Variants in PADI6 observed in about 807,000 individuals in gnomAD.
PADI6 encodes peptidyl arginine deiminase 6, also known as inactive protein-arginine deiminase type-6.
In PADI6, 66 loss-of-function variants were observed where a neutral mutation model predicts 78.2. That is an observed-to-expected ratio of 0.84 (90% CI 0.69 to 1.04). The LOEUF (loss-of-function observed/expected upper bound fraction) is 1.04, where lower values mean the gene tolerates loss of function less well. PADI6 is among the 50% of genes least tolerant of loss of function. The pLI, the probability that PADI6 is intolerant of heterozygous loss-of-function variation, is 0.00. For synonymous variants in PADI6, 397 were observed against 346.9 expected (o/e 1.14, Z -1.60); for missense variants, 854 against 866.1 (o/e 0.99, Z 0.18).
At chr1:17,380,047 G>A (rs1323295108) in intron 4 of PADI6, 60 bp downstream of exon 4, 2 of 1,540,482 alleles carry the variant, frequency 1.3e-6, no homozygotes, top group African/African-American at 1.4e-5. Context: ...CTGCCCACAG[G>A]CTCACTTGAT....
chr1:17,394,245 G>A (rs2075222844), intron 10 of PADI6, 55 bp from the exon 11 acceptor site: 1 of 1,595,888 alleles, frequency 6.3e-7, no homozygotes, highest in African/African-American at 1.3e-5. Context: ...GATAAGACTG[G>A]GGCCTAAAGC....
At position 17,388,544 on chromosome 1, in the gene PADI6, G is replaced by C; in HGVS notation, c.843G>C (p.Glu281Asp). The C allele has an allele frequency of 6.2e-7, 1 of 1,611,852 alleles. No homozygotes were observed. The highest frequency in any genetic ancestry group is 1.3e-5 in the African/African-American group (1 of 75,008). ...TCTCCTACTCTGTGTCCCTGGTGGA[G>C]GAGTCTCAAGACCCGGTATGTCCCC... is the stretch of plus-strand genomic sequence containing the variant. Reference protein sequence around the residue: ...GLISYSVSLVEESQDPSIPET... With the variant: ...GLISYSVSLVDESQDPSIPET... Residue 281 changes from glutamate to aspartate, a missense_variant, in exon 7 of 16, where the codon GAG (glutamate) becomes GAC (aspartate). By Grantham distance (45) the Glu-to-Asp change is conservative. Coordinates refer to ENST00000619609, the MANE Select transcript of PADI6 (RefSeq NM_207421.4).
chr1:17,398,847 G>C lies in PADI6; in HGVS notation c.1851G>C (p.Leu617=). The C allele has an allele frequency of 6.2e-7, 1 of 1,613,024 alleles. No homozygotes were observed. Among genetic ancestry groups the C allele is most frequent in the Non-Finnish European group, 8.5e-7 (1 of 1,179,538 alleles). The part of the protein sequence containing the change: ...RSFARPYFPD[L]LRMIVMGKNL... ...TTGCGAGGCCATACTTCCCTGACCT[G>C]GTGAGGGGCGACTGCGCATCCCTGG... is the stretch of plus-strand genomic sequence containing the variant. The change falls in exon 15 of 16, where the codon CTG becomes CTC. Residue 617 remains leucine (L), a splice_region_variant and synonymous_variant. Transcript: ENST00000619609.
At chr1:17,378,208 C>T (rs2075037337) in intron 3 of PADI6, among the ~76,000 whole-genome samples, 1 of 152,190 alleles carries the variant, frequency 6.6e-6, no homozygotes, top group East Asian at 1.9e-4. Flanking sequence ...TCCCATATCC[C>T]TCAGTGCTTA....
At chr1:17,382,127 C>T (rs2075078616) in intron 6 of PADI6, 35 bp downstream of exon 6, 3 of 1,608,182 alleles carry the variant, frequency 1.9e-6, no homozygotes, top group Non-Finnish European at 2.6e-6. Context: ...GCTTTGCCTG[C>T]TCTCGACGTG....
chr1:17,386,600 G>A lies in PADI6; in HGVS notation c.680-1781G>A, dbSNP rs563696686. Among the ~76,000 whole-genome samples, 23 of 152,308 alleles carry A rather than the reference G, an allele frequency of 1.5e-4. No individual in the cohort carries two copies. The South Asian group carries it at 4.4e-3, about 29-fold the overall frequency. On this transcript the variant is annotated intron_variant, in intron 6 of 15. Transcript: ENST00000619609. Reference sequence around the variant, plus strand: ...TCCTGGGGGAAGACTGCCTTGTCTGGTCTTGCCCCATGAGGCCTGGCTCAG... The same window carrying A: ...TCCTGGGGGAAGACTGCCTTGTCTGATCTTGCCCCATGAGGCCTGGCTCAG...
intron 3 of PADI6, among the ~76,000 whole-genome samples, chr1:17,377,955 C>T (rs1348594465): frequency 6.6e-6 from 1 of 152,054 alleles, no homozygotes; most frequent in African/African-American, 2.4e-5. Flanking sequence ...ACACGAGTAA[C>T]CCTGCACTGC....
intron 7 of PADI6, 43 bp downstream of exon 7, chr1:17,388,602 G>T: frequency 1.3e-6 from 2 of 1,536,248 alleles, no homozygotes; most frequent in East Asian, 2.3e-5. Flanking sequence ...AGGATGCTCC[G>T]GTGGGGGAAA....
intron 8 of PADI6, among the ~76,000 whole-genome samples, chr1:17,390,795 G>GTCTT (rs1405853149): frequency 1.3e-5 from 2 of 152,184 alleles, no homozygotes; most frequent in African/African-American, 2.4e-5. Flanking sequence ...GCAGAGAGAT[G>GTCTT]TGGTATCTCG....
At chr1:17,389,111 C>T (rs899276904) in intron 8 of PADI6, among the ~76,000 whole-genome samples, 2 of 152,174 alleles carry the variant, frequency 1.3e-5, no homozygotes, top group African/African-American at 4.8e-5. Context: ...ATGTGAGGGC[C>T]AAACGGCATG....
chr1:17,383,844 A>G (rs1460424464), intron 6 of PADI6, among the ~76,000 whole-genome samples: 1 of 150,314 alleles, frequency 6.7e-6, no homozygotes, highest in East Asian at 1.9e-4. Context: ...AATTTTTTTA[A>G]AAAAACTTAT....
rs564459895 is a variant in PADI6, at chr1:17,397,856, A to C, written c.1689+715A>C. ...TGGGGTCCATTTCCCGGAAAATGAC[A>C]TAGCTCCGCAGCCTCCTTGAAGAAG... On this transcript the variant is annotated intron_variant, in intron 14 of 15. Transcript: ENST00000619609. Among the ~76,000 whole-genome samples the C allele has an allele frequency of 5.9e-5, 9 of 152,198 alleles. No homozygotes were observed. In the South Asian group the frequency reaches 1.9e-3, roughly 32 times the overall value.
chr1:17,389,473 T>G (rs907934681), intron 8 of PADI6, among the ~76,000 whole-genome samples: 4 of 152,130 alleles, frequency 2.6e-5, no homozygotes, highest in African/African-American at 9.7e-5. Flanking sequence ...AGTGCACACA[T>G]CCTAGGTCCA....
At position 17,397,090 on chromosome 1, in the gene PADI6, C is replaced by A. The variant is rs142642869; in HGVS notation, c.1638C>A (p.Ile546=). The change falls in exon 14 of 16, where the codon ATC becomes ATA. Residue 546 remains isoleucine (I), a synonymous_variant. Transcript: ENST00000619609. ...LLSNGREAKT[I]DQLLADESLK... ...CTACAGGAAGGGAAGCCAAAACCAT[C>A]GACCAACTTCTGGCTGATGAAAGCC... 2.5e-6 allele frequency: 4 copies of A among 1,613,858 alleles called. No homozygotes were observed. Among genetic ancestry groups the A allele is most frequent in the Admixed American group, 1.7e-5 (1 of 60,026 alleles).
chr1:17,376,904 GAC>G (rs944221091), intron 3 of PADI6, among the ~76,000 whole-genome samples: 1 of 151,918 alleles, frequency 6.6e-6, no homozygotes, highest in Admixed American at 6.6e-5. Flanking sequence ...TTGTTTTTGA[GAC>G]AGTCTCACTC....
chr1:17,401,589 A>G lies in PADI6; in HGVS notation c.*151A>G. 2.8e-6 allele frequency: 2 copies of G among 706,916 alleles called. No individual in the cohort carries two copies. Among genetic ancestry groups the G allele is most frequent in the Non-Finnish European group, 4.6e-6 (2 of 433,106 alleles). 43.8% of individuals were successfully genotyped at this position (706,916 alleles called of 1,614,324 possible). ...TCTGCCCCGACCGACCCTCGGACCC[A>G]GTAGGATGGCAAATGCCGCCAGCTT... On this transcript the variant is annotated 3_prime_UTR_variant, in exon 16 of 16. Coordinates refer to ENST00000619609, the MANE Select transcript of PADI6 (RefSeq NM_207421.4).
chr1:17,400,790 T>C (rs1395564850), intron 15 of PADI6, among the ~76,000 whole-genome samples: 1 of 152,164 alleles, frequency 6.6e-6, no homozygotes, highest in Non-Finnish European at 1.5e-5. Context: ...CATGGGTGTC[T>C]TCTAACTTGA....
rs201857683 is a variant in PADI6, at chr1:17,394,019, G to A, written c.1119G>A (p.Thr373=). 1.1e-4 allele frequency: 182 copies of A among 1,613,772 alleles called. No homozygotes were observed. The highest frequency in any genetic ancestry group is 1.5e-4 in the Non-Finnish European group (177 of 1,179,882). Residue 373 remains threonine (T), a synonymous_variant, in exon 10 of 16, where the codon ACG becomes ACA. Coordinates refer to ENST00000619609, the MANE Select transcript of PADI6 (RefSeq NM_207421.4). ...FCYTQAPHKT[T]SLILDTPQAA... ...ACACCCAGGCTCCCCACAAGACAAC[G>A]TCCTTGATCCTCGACACACCTCAGG...
At chr1:17,381,572 G>A (rs1009811733) in intron 5 of PADI6, among the ~76,000 whole-genome samples, 1 of 152,156 alleles carries the variant, frequency 6.6e-6, no homozygotes, top group Non-Finnish European at 1.5e-5. Flanking sequence ...GACTGTCTTG[G>A]GTAAAATTCG....
Sources: gnomAD v4.1 joint callset for allele counts (sites outside exome capture counted in the v4.1 genomes callset) on GRCh38, gnomAD v4.1.1 for gene constraint, MANE v1.5 for transcripts, NCBI Gene and HGNC (gene_info 2026-07-23, HGNC 2026-07-21) for gene names.